Variants in SEPTIN11 observed in about 807,000 individuals in gnomAD.
SEPTIN11 encodes septin 11, also known as septin-11.
Under a neutral mutation model 51.4 loss-of-function variants are expected in SEPTIN11, and 25 were observed. The ratio of observed to expected loss-of-function variants is 0.49; its 90% CI spans 0.35 to 0.68. The LOEUF (loss-of-function observed/expected upper bound fraction) is 0.68, where lower values mean the gene tolerates loss of function less well. Ranked by LOEUF, SEPTIN11 falls within the 30% of genes least tolerant of loss-of-function variation. The pLI is 0.00. For synonymous variants in SEPTIN11, 174 were observed against 184.1 expected, an observed-to-expected ratio of 0.95 and a Z score of 0.44; for missense variants, 381 against 520.8, an observed-to-expected ratio of 0.73 and a Z score of 2.61.
rs556564890 is a variant in SEPTIN11, at chr4:77,029,568, C to T, written c.1086+807C>T. On this transcript the variant is annotated intron_variant, in intron 8 of 9. Coordinates refer to ENST00000264893, the MANE Select transcript of SEPTIN11 (RefSeq NM_018243.4). ...TGGTTTTGCTGCAGAGAAAGTTGAG[C>T]CTTATTTGCTGTTGGCTTCAAGAAC... 2.0e-5 allele frequency among the ~76,000 whole-genome samples: 3 copies of T among 152,106 alleles called. No homozygotes were observed. The East Asian group carries it at 5.8e-4, about 29-fold the overall frequency.
chr4:76,994,269 G>A (rs1450354674), intron 1 of SEPTIN11, among the ~76,000 whole-genome samples: 1 of 152,154 alleles, frequency 6.6e-6, no homozygotes, highest in Admixed American at 6.5e-5. Flanking sequence ...AAATAACCCA[G>A]GACTCATTTC....
rs150570161 is a variant in SEPTIN11 at position 76,981,213 on chromosome 4, A to G, written c.28-15212A>G. Reference sequence around the variant, plus strand: ...TGCAGTTGCATTTTCCCTGTGTTCTACTTGGGCCCTACTTGATTATTCAGA... The same window carrying G: ...TGCAGTTGCATTTTCCCTGTGTTCTGCTTGGGCCCTACTTGATTATTCAGA... On this transcript the variant is annotated intron_variant, in intron 1 of 9. Transcript: ENST00000264893. 2.6e-5 allele frequency among the ~76,000 whole-genome samples: 4 copies of G among 152,270 alleles called. No individual in the cohort carries two copies. The East Asian group carries it at 7.7e-4, about 29-fold the overall frequency.
chr4:76,991,663 C>A (rs1472153401), intron 1 of SEPTIN11, among the ~76,000 whole-genome samples: 4 of 152,080 alleles, frequency 2.6e-5, no homozygotes, highest in Non-Finnish European at 5.9e-5. Flanking sequence ...TAAAAGGTAC[C>A]CCCTGAATTT....
chr4:76,962,537 C>T (rs945009242), intron 1 of SEPTIN11, among the ~76,000 whole-genome samples: 4 of 152,300 alleles, frequency 2.6e-5, no homozygotes, highest in African/African-American at 9.6e-5. Flanking sequence ...CTGAGAATTA[C>T]TGGTTTGTCC....
chr4:77,010,235 G>A (rs1239304708), intron 3 of SEPTIN11, among the ~76,000 whole-genome samples: 1 of 152,174 alleles, frequency 6.6e-6, no homozygotes, highest in Non-Finnish European at 1.5e-5. Flanking sequence ...TTAAGGCTGT[G>A]CAGCTAGTAA....
intron 5 of SEPTIN11, among the ~76,000 whole-genome samples, chr4:77,017,683 C>CT (rs1196050319): frequency 6.6e-6 from 1 of 152,210 alleles, no homozygotes; most frequent in Non-Finnish European, 1.5e-5. Context: ...GGCTTGAAAA[C>CT]TTTATCTTCT....
At chr4:76,973,233 C>T (rs1722327164) in intron 1 of SEPTIN11, among the ~76,000 whole-genome samples, 1 of 152,128 alleles carries the variant, frequency 6.6e-6, no homozygotes, top group African/African-American at 2.4e-5. Flanking sequence ...TCCTGGGGTC[C>T]CTGCTTTTCT....
intron 1 of SEPTIN11, among the ~76,000 whole-genome samples, chr4:76,966,460 T>C (rs1296322291): frequency 6.6e-6 from 1 of 151,984 alleles, no homozygotes; most frequent in African/African-American, 2.4e-5. Flanking sequence ...AAGATGAGTA[T>C]AGCTGACTTT....
rs78004818 is a variant in SEPTIN11 at position 77,007,931 on chromosome 4, T to C, written c.338+2135T>C. Reference sequence around the variant, plus strand: ...AACCATATGGAAAGGGATGTGGTATTTCTCTATGCCCATGTTGATTTTTAC... The same window carrying C: ...AACCATATGGAAAGGGATGTGGTATCTCTCTATGCCCATGTTGATTTTTAC... On this transcript the variant is annotated intron_variant, in intron 3 of 9. Transcript: ENST00000264893. Among the ~76,000 whole-genome samples the C allele has an allele frequency of 4.0e-3, 608 of 152,354 alleles. 2 individuals carry two copies. The highest frequency in any genetic ancestry group is 7.4e-3 in the Non-Finnish European group (502 of 68,038).
chr4:76,995,879 C>T, intron 1 of SEPTIN11: 1 of 1,535,582 alleles, frequency 6.5e-7, no homozygotes, highest in Admixed American at 2.0e-5. Context: ...ACCTGTAAAA[C>T]TAATGGAGGA....
chr4:76,959,595 T>C (rs1271359187), intron 1 of SEPTIN11, among the ~76,000 whole-genome samples: 1 of 152,178 alleles, frequency 6.6e-6, no homozygotes, highest in Admixed American at 6.5e-5. Flanking sequence ...TTCAAGTCAA[T>C]TGCATTTTTA....
intron 1 of SEPTIN11, among the ~76,000 whole-genome samples, chr4:76,983,823 C>A (rs143850468): frequency 6.6e-6 from 1 of 152,104 alleles, no homozygotes; most frequent in Non-Finnish European, 1.5e-5. Context: ...GCCTGGCCAA[C>A]GTGGTGAAAC....
At chr4:77,005,820 A>G (rs1724442879) in intron 3 of SEPTIN11, 24 bp downstream of exon 3, 2 of 1,601,930 alleles carry the variant, frequency 1.2e-6, no homozygotes, top group Non-Finnish European at 1.7e-6. Flanking sequence ...TTTTGGGGGG[A>G]CATGAATGGA....
In SEPTIN11 at chr4:77,035,965, C is replaced by G. The variant is rs1296585584; in HGVS notation, c.*1453C>G. The G allele has an allele frequency of 1.0e-6, 1 of 985,790 alleles. No homozygotes were observed. The highest frequency in any genetic ancestry group is 1.7e-5 in the African/African-American group (1 of 57,236). 61.1% of individuals were successfully genotyped at this position (985,790 alleles called of 1,614,324 possible). On this transcript the variant is annotated 3_prime_UTR_variant, in exon 10 of 10. Coordinates refer to ENST00000264893, the MANE Select transcript of SEPTIN11 (RefSeq NM_018243.4). ...ACCCACTGCCCCTCTGCATTTTCCTCACTGGTTAGAGATTAAGTAAATAGG... is the reference window on the plus strand; with the variant it reads ...ACCCACTGCCCCTCTGCATTTTCCTGACTGGTTAGAGATTAAGTAAATAGG...
At position 76,980,123 on chromosome 4, in the gene SEPTIN11, C is replaced by A. The variant is rs551715087; in HGVS notation, c.28-16302C>A. 1.3e-4 allele frequency among the ~76,000 whole-genome samples: 20 copies of A among 152,150 alleles called. No individual in the cohort carries two copies. The South Asian group carries it at 4.2e-3, about 32-fold the overall frequency. ...GATAAGAAAGTGGTAGAGCCTGTTG[C>A]CTTTTTTCCTTCTCTGGGTATTTTA... On this transcript the variant is annotated intron_variant, in intron 1 of 9. Coordinates refer to ENST00000264893, the MANE Select transcript of SEPTIN11 (RefSeq NM_018243.4).
chr4:76,979,266 A>G (rs1318014489), intron 1 of SEPTIN11, among the ~76,000 whole-genome samples: 1 of 152,244 alleles, frequency 6.6e-6, no homozygotes, highest in Non-Finnish European at 1.5e-5. Flanking sequence ...GTGGACCTTT[A>G]TAAAATAAGA....
At chr4:77,039,615 A>G, downstream of SEPTIN11, 3 of 984,142 alleles carry the variant, frequency 3.0e-6, no homozygotes, top group Non-Finnish European at 3.6e-6. Context: ...TCCTTTTGTT[A>G]GTTTTATGGG....
chr4:76,974,684 T>C (rs189870992), intron 1 of SEPTIN11: 54 of 447,356 alleles, frequency 1.2e-4, no homozygotes, highest in Non-Finnish European at 1.6e-4. Context: ...TAGTCACCGA[T>C]CTTGTGTTTA....
At chr4:76,981,877 TC>T (rs1159766825) in intron 1 of SEPTIN11, among the ~76,000 whole-genome samples, 1 of 152,114 alleles carries the variant, frequency 6.6e-6, no homozygotes, top group African/African-American at 2.4e-5. Flanking sequence ...GGTGTGCTGG[TC>T]TGGTGGGAAG....
Sources: gnomAD v4.1 joint callset for allele counts (sites outside exome capture counted in the v4.1 genomes callset) on GRCh38, gnomAD v4.1.1 for gene constraint, MANE v1.5 for transcripts, NCBI Gene and HGNC (gene_info 2026-07-23, HGNC 2026-07-21) for gene names.